Variants in MICAL2 observed in about 807,000 individuals in gnomAD.
MICAL2 encodes the protein [F-actin]-monooxygenase MICAL2.
In MICAL2, 77 loss-of-function variants were observed where a neutral mutation model predicts 127.3. The ratio of observed to expected loss-of-function variants is 0.60; its 90% CI spans 0.50 to 0.73. The LOEUF (loss-of-function observed/expected upper bound fraction) is 0.73. Ranked by LOEUF, MICAL2 falls within the 30% of genes least tolerant of loss-of-function variation. The pLI is 0.00. For missense variants in MICAL2, 1,351 were observed against 1,434.4 expected (o/e 0.94, Z 0.94); for synonymous variants, 570 against 551.1 (o/e 1.03, Z -0.48).
chr11:12,204,732 G>A (rs186417991), intron 4 of MICAL2, among the ~76,000 whole-genome samples: 6 of 152,330 alleles, frequency 3.9e-5, no homozygotes, highest in Admixed American at 6.5e-5. Flanking sequence ...TTGACTCATA[G>A]CAGATGCTTG....
At chr11:12,227,995 T>C (rs1396111619) in intron 15 of MICAL2, among the ~76,000 whole-genome samples, 3 of 152,220 alleles carry the variant, frequency 2.0e-5, no homozygotes, top group Non-Finnish European at 4.4e-5. Flanking sequence ...GTGGGAGGCA[T>C]AATGCAAGTT....
intron 2 of MICAL2, among the ~76,000 whole-genome samples, chr11:12,282,083 A>G (rs1863778609): frequency 1.3e-5 from 2 of 152,298 alleles, no homozygotes; most frequent in Middle Eastern, 6.8e-3. Flanking sequence ...TTCAGGAGTG[A>G]TGGTTTCCCA....
At chr11:12,183,294 A>G (rs1399310139) in intron 3 of MICAL2, among the ~76,000 whole-genome samples, 1 of 151,462 alleles carries the variant, frequency 6.6e-6, no homozygotes, top group African/African-American at 2.4e-5. Context: ...ATCATGCTCT[A>G]TTTCAACTCA....
At chr11:12,354,807 A>G (rs754247619) in exon 34 of MICAL2, 51 of 1,613,992 alleles carry the variant, frequency 3.2e-5, no homozygotes, top group Non-Finnish European at 4.2e-5. Context: ...GAATTAGAAG[A>G]TCATCAAAGC....
In MICAL2 at chr11:12,317,723, C is replaced by T. The variant is rs566954798; in HGVS notation, c.5213-1973C>T. ...AGGAGAATCACTTGAACCCGGGAGG[C>T]GGAGGTTGCGGTGAGCCCAGATCAT... On this transcript the variant is annotated intron_variant, in intron 29 of 34. Transcript: ENST00000646065. Among the ~76,000 whole-genome samples, 12 of 151,066 alleles carry T rather than the reference C, an allele frequency of 7.9e-5. No homozygotes were observed. In the South Asian group the frequency reaches 1.3e-3, roughly 16 times the overall value.
intron 2 of MICAL2, among the ~76,000 whole-genome samples, chr11:12,147,985 C>T (rs961102325): frequency 5.9e-5 from 9 of 152,196 alleles, no homozygotes; most frequent in African/African-American, 1.7e-4. Flanking sequence ...TAGACGAACA[C>T]AGATGGGTAA....
chr11:12,288,354 C>T (rs1863853320), downstream of MICAL2, among the ~76,000 whole-genome samples: 1 of 152,194 alleles, frequency 6.6e-6, no homozygotes, highest in African/African-American at 2.4e-5. Context: ...GCTTCCAGCC[C>T]ACTCTACTGT....
intron 12 of MICAL2, 91 bp downstream of exon 12, chr11:12,223,592 C>T: frequency 7.0e-6 from 8 of 1,148,390 alleles, no homozygotes; most frequent in Non-Finnish European, 1.0e-5. Flanking sequence ...ACAGGCACTG[C>T]AACCAGCCTG....
intron 20 of MICAL2, among the ~76,000 whole-genome samples, chr11:12,243,674 C>A (rs12803225): frequency 0.17 from 25,632 of 152,194 alleles, 2,408 homozygotes; most frequent in Non-Finnish European, 0.2. Flanking sequence ...CTACTTCATA[C>A]CAAGCTCCAG....
chr11:12,326,736 G>A (rs565603124), intron 31 of MICAL2, among the ~76,000 whole-genome samples: 2 of 152,298 alleles, frequency 1.3e-5, no homozygotes, highest in East Asian at 1.9e-4. Context: ...GGAGGTATAG[G>A]CTGGTTCTTC....
intron 7 of MICAL2, among the ~76,000 whole-genome samples, chr11:12,213,662 A>C (rs1855798605): frequency 6.6e-6 from 1 of 152,214 alleles, no homozygotes; most frequent in African/African-American, 2.4e-5. Flanking sequence ...TGCTCATTAC[A>C]TGCCAATTCT....
intron 2 of MICAL2, among the ~76,000 whole-genome samples, chr11:12,161,157 C>G (rs576176425): frequency 2.0e-5 from 3 of 152,352 alleles, no homozygotes; most frequent in African/African-American, 7.2e-5. Context: ...TCTGGAAAAA[C>G]AGCTAGTGCT....
intron 13 of MICAL2, 80 bp downstream of exon 13, chr11:12,224,900 G>A: frequency 2.0e-6 from 3 of 1,482,126 alleles, no homozygotes; most frequent in Non-Finnish European, 2.8e-6. Flanking sequence ...TTCATTACTT[G>A]GTTCAATATT....
At chr11:12,140,337 G>A (rs1374068155) in intron 2 of MICAL2, among the ~76,000 whole-genome samples, 1 of 152,194 alleles carries the variant, frequency 6.6e-6, no homozygotes, top group Admixed American at 6.5e-5. Context: ...CCTGCCCAAG[G>A]CAATGCAGCT....
chr11:12,300,180 G>C (rs887118564), intron 29 of MICAL2, among the ~76,000 whole-genome samples: 2 of 152,124 alleles, frequency 1.3e-5, no homozygotes, highest in Admixed American at 6.5e-5. Flanking sequence ...TGTAATCCCA[G>C]CTACTTGGGT....
At chr11:12,165,152 AAAAGAAAAG>A (rs557808378) in intron 3 of MICAL2, among the ~76,000 whole-genome samples, 84 of 115,338 alleles carry the variant, frequency 7.3e-4, no homozygotes, top group African/African-American at 2.7e-3. Flanking sequence ...AAAAAAAAAA[AAAAGAAAAG>A]AAAGAAAGAA....
downstream of MICAL2, chr11:12,292,108 C>G: frequency 1.3e-6 from 2 of 1,596,826 alleles, no homozygotes; most frequent in Non-Finnish European, 1.7e-6. Flanking sequence ...AATAATAACA[C>G]CTTTGTAATG....
downstream of MICAL2, chr11:12,295,007 A>T (rs1425339601): frequency 8.3e-7 from 1 of 1,209,208 alleles, no homozygotes; most frequent in African/African-American, 1.6e-5. Context: ...ATTTGAAAAA[A>T]ATCTGAAAAA....
At chr11:12,201,039 G>T (rs1171844349) in intron 3 of MICAL2, among the ~76,000 whole-genome samples, 2 of 152,210 alleles carry the variant, frequency 1.3e-5, no homozygotes, top group African/African-American at 4.8e-5. Context: ...TTGGAGTCGT[G>T]CTTTGAAATG....
Sources: gnomAD v4.1 joint callset for allele counts (sites outside exome capture counted in the v4.1 genomes callset) on GRCh38, gnomAD v4.1.1 for gene constraint, MANE v1.5 for transcripts, NCBI Gene and HGNC (gene_info 2026-07-23, HGNC 2026-07-21) for gene names.